Variants in GLRB observed in about 807,000 individuals in gnomAD.
The protein encoded by GLRB is glycine receptor subunit beta.
GLRB carries 33 observed loss-of-function variants against 54.2 expected under a neutral mutation model. The observed-to-expected ratio is 0.61, with a 90% CI of 0.46 to 0.81. The LOEUF is 0.81. GLRB is among the 40% of genes least tolerant of loss of function. The pLI is 0.00. For missense variants in GLRB, 572 were observed against 584.6 expected (o/e 0.98, Z 0.22); for synonymous variants, 209 against 208.2 (o/e 1.00, Z -0.03).
chr4:157,157,185 C>T (rs575875736), intron 9 of GLRB, among the ~76,000 whole-genome samples: 10 of 152,218 alleles, frequency 6.6e-5, no homozygotes, highest in African/African-American at 2.2e-4. Flanking sequence ...GGAGGAGCCT[C>T]TTGTTACTGC....
intron 9 of GLRB, among the ~76,000 whole-genome samples, chr4:157,164,923 T>C (rs80178490): frequency 0.047 from 7,145 of 152,160 alleles, 180 homozygotes; most frequent in African/African-American, 0.056. Context: ...TAAACACATA[T>C]AAGAACTTTT....
chr4:157,120,416 A>T (rs1323111404), intron 2 of GLRB, 140 bp from the exon 3 acceptor site: 4 of 256,562 alleles, frequency 1.6e-5, no homozygotes, highest in Non-Finnish European at 2.3e-5. Flanking sequence ...ATAAAATAAA[A>T]TAAATAAAAA....
chr4:157,098,529 T>G (rs929988115), intron 2 of GLRB, among the ~76,000 whole-genome samples: 1 of 152,278 alleles, frequency 6.6e-6, no homozygotes, highest in Admixed American at 6.5e-5. Flanking sequence ...ATAAGCTGAT[T>G]CTTAGGAGGG....
intron 9 of GLRB, among the ~76,000 whole-genome samples, chr4:157,156,331 T>A (rs922207776): frequency 6.6e-6 from 1 of 152,190 alleles, no homozygotes; most frequent in African/African-American, 2.4e-5. Context: ...ACTTGGTCAT[T>A]GTTGGTGTAT....
At chr4:157,147,138 A>G (rs1312145238) in intron 8 of GLRB, among the ~76,000 whole-genome samples, 1 of 152,188 alleles carries the variant, frequency 6.6e-6, no homozygotes, top group Non-Finnish European at 1.5e-5. Flanking sequence ...GGAAATTTCA[A>G]AACTGGAGTA....
intron 2 of GLRB, among the ~76,000 whole-genome samples, chr4:157,112,951 A>G (rs1040826649): frequency 2.0e-5 from 3 of 151,836 alleles, no homozygotes; most frequent in African/African-American, 7.2e-5. Context: ...CTGAGACCTC[A>G]CCTAATTTAA....
At chr4:157,160,563 T>G (rs981581936) in intron 9 of GLRB, among the ~76,000 whole-genome samples, 3 of 152,074 alleles carry the variant, frequency 2.0e-5, no homozygotes, top group Non-Finnish European at 4.4e-5. Context: ...AAGAACATCT[T>G]TATTTCTGCC....
intron 2 of GLRB, among the ~76,000 whole-genome samples, chr4:157,103,983 T>G (rs919459393): frequency 6.6e-6 from 1 of 151,960 alleles, no homozygotes; most frequent in African/African-American, 2.4e-5. Flanking sequence ...GTTTCCTTTA[T>G]ATAGATTATG....
At chr4:157,102,030 A>G (rs1735050152) in intron 2 of GLRB, among the ~76,000 whole-genome samples, 1 of 152,174 alleles carries the variant, frequency 6.6e-6, no homozygotes, top group South Asian at 2.1e-4. Context: ...AGTTCAAATA[A>G]TAATAACCCA....
intron 1 of GLRB, among the ~76,000 whole-genome samples, chr4:157,077,444 G>A (rs141376297): frequency 1.0e-3 from 159 of 152,108 alleles, no homozygotes; most frequent in African/African-American, 3.6e-3. Context: ...AATTTTGAAT[G>A]TGGAACTCTT....
Position 157,144,687 on chromosome 4 carries a change from A to G in GLRB, c.904+728A>G, listed in dbSNP as rs983650936. ...CTGTGTGTCTGTGTGTTTTCTGAAT[A>G]TCACCTGGAACTCACACTGGTAAGA... On this transcript the variant is annotated intron_variant, in intron 8 of 9. Transcript: ENST00000264428. Among the ~76,000 whole-genome samples, 3 of 152,220 alleles carry G rather than the reference A, an allele frequency of 2.0e-5. No homozygotes were observed. The South Asian group carries it at 6.2e-4, about 32-fold the overall frequency.
At chr4:157,125,167 G>T (rs781387052) in intron 4 of GLRB, among the ~76,000 whole-genome samples, 7 of 151,430 alleles carry the variant, frequency 4.6e-5, no homozygotes, top group Non-Finnish European at 8.8e-5. Context: ...AACCCAAAAG[G>T]GTATACATGT....
chr4:157,169,791 T>C (rs187130048), intron 9 of GLRB, among the ~76,000 whole-genome samples: 2 of 152,278 alleles, frequency 1.3e-5, no homozygotes, highest in Non-Finnish European at 2.9e-5. Context: ...CTGTAGCATA[T>C]GGTCTATCTG....
chr4:157,153,441 G>A (rs1737104268), intron 9 of GLRB, among the ~76,000 whole-genome samples: 1 of 152,124 alleles, frequency 6.6e-6, no homozygotes, highest in Non-Finnish European at 1.5e-5. Context: ...CCATGCTCAT[G>A]ATTAAATCAC....
chr4:157,163,403 C>G (rs572340311), intron 9 of GLRB, among the ~76,000 whole-genome samples: 2 of 152,224 alleles, frequency 1.3e-5, no homozygotes, highest in South Asian at 4.1e-4. Context: ...GCATCACTCA[C>G]TCTGGGAGGG....
chr4:157,118,424 A>C (rs1735684591), intron 2 of GLRB, among the ~76,000 whole-genome samples: 1 of 151,682 alleles, frequency 6.6e-6, no homozygotes, highest in Non-Finnish European at 1.5e-5. Context: ...AAAGGATGAC[A>C]ACTGGCTGTA....
At chr4:157,141,134 G>A (rs186131874) in intron 7 of GLRB, among the ~76,000 whole-genome samples, 2 of 151,866 alleles carry the variant, frequency 1.3e-5, no homozygotes, top group East Asian at 3.9e-4. Context: ...TGGAATTTGG[G>A]GGATTACTCA....
rs182194572 is a variant in GLRB, at chr4:157,159,203, G to A, written c.1197+6193G>A. ...TTTTGTATCCTGAGACTTTGCTGAA[G>A]TTGCTTATCAGCTTAAGGAGATTTT... On this transcript the variant is annotated intron_variant, in intron 9 of 9. Transcript: ENST00000264428. Among the ~76,000 whole-genome samples the A allele has an allele frequency of 1.6e-3, 242 of 152,298 alleles. 1 individual carries two copies. The highest frequency in any genetic ancestry group is 2.9e-4 in the Non-Finnish European group (20 of 68,030).
At chr4:157,160,454 A>C (rs1046029895) in intron 9 of GLRB, among the ~76,000 whole-genome samples, 7 of 151,740 alleles carry the variant, frequency 4.6e-5, no homozygotes, top group Admixed American at 2.0e-4. Context: ...TTCCTGCTTT[A>C]TCTTGTGGGC....
Sources: allele counts gnomAD v4.1 joint callset (sites outside exome capture counted in the v4.1 genomes callset), GRCh38; gene constraint gnomAD v4.1.1; transcripts MANE v1.5; gene names NCBI Gene and HGNC (gene_info 2026-07-23, HGNC 2026-07-21).